COL18A1: variants seen among roughly 807,000 people sequenced by gnomAD.
The protein encoded by COL18A1 is collagen type XVIII alpha 1 chain.
COL18A1 carries 133 observed loss-of-function variants against 168.0 expected under a neutral mutation model. The ratio of observed to expected loss-of-function variants is 0.79; its 90% CI spans 0.69 to 0.91. The LOEUF is 0.91. Ranked by LOEUF, COL18A1 falls within the 40% of genes least tolerant of loss-of-function variation. The pLI, the probability that COL18A1 is intolerant of heterozygous loss-of-function variation, is 0.00. For synonymous variants in COL18A1, 949 were observed against 809.0 expected (o/e 1.17, Z -2.94); for missense variants, 2,126 against 1,925.4 (o/e 1.10, Z -1.95).
chr21:45,449,103 T>C (rs921710584), intron 2 of COL18A1, among the ~76,000 whole-genome samples: 2 of 152,140 alleles, frequency 1.3e-5, no homozygotes, highest in Non-Finnish European at 2.9e-5. Flanking sequence ...ATCCTCTTGC[T>C]GCTCCTGCCT....
intron 2 of COL18A1, among the ~76,000 whole-genome samples, chr21:45,406,445 C>T (rs1274728627): frequency 6.6e-6 from 1 of 152,224 alleles, no homozygotes; most frequent in African/African-American, 2.4e-5. Context: ...TAAATAGTAG[C>T]ATAGACCTTT....
intron 2 of COL18A1, chr21:45,422,611 C>T (rs367968714): frequency 4.0e-5 from 16 of 398,644 alleles, no homozygotes; most frequent in Admixed American, 9.4e-5. Flanking sequence ...GTGGGTGGCA[C>T]GGGCTCTCCC....
chr21:45,506,096 T>C, intron 37 of COL18A1, 130 bp downstream of exon 37: 1 of 1,424,370 alleles, frequency 7.0e-7, no homozygotes, highest in Non-Finnish European at 9.7e-7. Context: ...TTCTTAAACT[T>C]TCAAACTTTT....
chr21:45,489,507 C>A lies in COL18A1; in HGVS notation c.1945C>A (p.Leu649Met). 1 of 1,602,916 alleles carries A rather than the reference C, an allele frequency of 6.2e-7. No individual in the cohort carries two copies. Among genetic ancestry groups the A allele is most frequent in the Non-Finnish European group, 8.5e-7 (1 of 1,174,682 alleles). The change falls in exon 19 of 42, where the codon CTG becomes ATG. Residue 649 changes from leucine to methionine, a missense_variant. Transcript: ENST00000651438. ...GLKGDPGVPG[L>M]PGAKGEVGAD... Reference sequence around the variant, plus strand: ...TTAGGGGGATCCTGGCGTGCCTGGGCTGCCGGGGGCGAAGGTAAGCGCTGT... The same window carrying A: ...TTAGGGGGATCCTGGCGTGCCTGGGATGCCGGGGGCGAAGGTAAGCGCTGT...
In COL18A1 at chr21:45,498,216, C is replaced by G; in HGVS notation, c.2683+555C>G. On this transcript the variant is annotated intron_variant, in intron 32 of 41. Coordinates refer to ENST00000651438, the MANE Select transcript of COL18A1 (RefSeq NM_001379500.1). The surrounding 1 kb of genome is among the most constrained non-coding windows in gnomAD (Gnocchi z 4.5). ...ACAGCTGGATAAAATGTGAGAAAACCACTGTTTGAGGATGTCTGGGGGCTG... is the reference window on the plus strand; with the variant it reads ...ACAGCTGGATAAAATGTGAGAAAACGACTGTTTGAGGATGTCTGGGGGCTG... 1 of 701,918 alleles carries G rather than the reference C, an allele frequency of 1.4e-6. No homozygotes were observed. The highest frequency in any genetic ancestry group is 1.5e-5 in the South Asian group (1 of 67,492). The allele number at this position is 701,918 out of a possible 1,614,324, so 43.5% of individuals were successfully genotyped here. A position where few individuals can be genotyped will look rare whatever the true frequency, so the allele number is the denominator to read the frequency against.
intron 21 of COL18A1, 114 bp downstream of exon 21, chr21:45,490,985 C>G: frequency 9.3e-7 from 1 of 1,073,926 alleles, no homozygotes; most frequent in Non-Finnish European, 1.4e-6. Flanking sequence ...CTCAGAGACT[C>G]AGGGCAAAGA....
intron 2 of COL18A1, among the ~76,000 whole-genome samples, chr21:45,459,935 C>T (rs947056442): frequency 6.6e-6 from 1 of 152,120 alleles, no homozygotes; most frequent in Admixed American, 6.5e-5. Flanking sequence ...GGACTTTGCT[C>T]TCTACACCCC....
intron 2 of COL18A1, among the ~76,000 whole-genome samples, chr21:45,415,095 A>G (rs1485090139): frequency 2.6e-5 from 4 of 152,016 alleles, no homozygotes; most frequent in Non-Finnish European, 4.4e-5. Context: ...GCTTTAAGAC[A>G]CTGACTGACT....
At chr21:45,509,916 GCCCCT>G in intron 39 of COL18A1, 143 bp from the exon 40 acceptor site, 1 of 914,476 alleles carries the variant, frequency 1.1e-6, no homozygotes, top group Non-Finnish European at 1.6e-6. Flanking sequence ...TGCTGCCTGG[GCCCCT>G]CAGTGTGTCA....
In COL18A1 at chr21:45,486,955, C is replaced by T. The variant is rs1007986287; in HGVS notation, c.1796C>T (p.Pro599Leu). Residue 599 changes from proline (P) to leucine (L), a missense_variant, in exon 16 of 42, where the codon CCC (proline) becomes CTC (leucine). Pro to Leu is a moderately conservative substitution (Grantham distance 98). Transcript: ENST00000651438. ...GPAGPPGPPG[P>L]PGPPGPGLPA... is the part of the protein sequence containing the mutation. ...GCTGGACCACCAGGCCCCCCTGGGC[C>T]CCCTGGGCCCCCAGGACCAGGACTC... 3 of 1,499,462 alleles carry T rather than the reference C, an allele frequency of 2.0e-6. No individual in the cohort carries two copies. Among genetic ancestry groups the T allele is most frequent in the Non-Finnish European group, 2.7e-6 (3 of 1,127,282 alleles). 92.9% of individuals were successfully genotyped at this position (1,499,462 alleles called of 1,614,324 possible). A position where few individuals can be genotyped will look rare whatever the true frequency, so the allele number is the denominator to read the frequency against.
intron 2 of COL18A1, among the ~76,000 whole-genome samples, chr21:45,434,269 G>A (rs2034041073): frequency 6.6e-6 from 1 of 152,180 alleles, no homozygotes; most frequent in Non-Finnish European, 1.5e-5. Flanking sequence ...CTGACCAGAG[G>A]GTGCAGGGCC....
intron 41 of COL18A1, among the ~76,000 whole-genome samples, chr21:45,511,477 G>A (rs1254134505): frequency 1.3e-5 from 2 of 152,262 alleles, no homozygotes; most frequent in South Asian, 2.1e-4. Flanking sequence ...TCTGCTCATG[G>A]CGGATAGACT....
In COL18A1 at chr21:45,422,561, G is replaced by A. The variant is rs75558821; in HGVS notation, c.106+17088G>A. The A allele has an allele frequency of 1.9e-3, 951 of 507,362 alleles. 5 individuals are homozygous for A. The highest frequency in any genetic ancestry group is 0.017 in the African/African-American group (859 of 51,674). 31.4% of individuals were successfully genotyped at this position (507,362 alleles called of 1,614,324 possible). A position where few individuals can be genotyped will look rare whatever the true frequency, so the allele number is the denominator to read the frequency against. ...CAGGACCCGGGCAGGGCAGCAAAAGGCATCTGTGAGTCGCCGTCCTGTGCG... is the reference window on the plus strand; with the variant it reads ...CAGGACCCGGGCAGGGCAGCAAAAGACATCTGTGAGTCGCCGTCCTGTGCG... On this transcript the variant is annotated intron_variant, in intron 2 of 41. Transcript: ENST00000651438.
intron 2 of COL18A1, among the ~76,000 whole-genome samples, chr21:45,449,476 T>G (rs2041142956): frequency 6.6e-6 from 1 of 151,976 alleles, no homozygotes; most frequent in Admixed American, 6.5e-5. Context: ...AGTCCAGGAA[T>G]GTACATCCAG....
intron 26 of COL18A1, chr21:45,493,787 C>T: frequency 1.7e-6 from 1 of 586,022 alleles, no homozygotes; most frequent in Non-Finnish European, 3.0e-6. Context: ...GCCCCTCGTC[C>T]TCTCCCTACC....
rs1798811424 is a variant in COL18A1, at chr21:45,512,442, AG to A, written c.*46del. On this transcript the variant is annotated 3_prime_UTR_variant, in exon 42 of 42. Coordinates refer to ENST00000651438, the MANE Select transcript of COL18A1 (RefSeq NM_001379500.1). ...TGGCCGGAGAGGACCGGCGGCTCGGAGGAAGCCCCCACCGTGGGCAGGGAGC... is the reference window on the plus strand; with the variant it reads ...TGGCCGGAGAGGACCGGCGGCTCGGAGAAGCCCCCACCGTGGGCAGGGAGC... 1.9e-6 allele frequency: 3 copies of A among 1,582,820 alleles called. No homozygotes were observed. Among genetic ancestry groups the A allele is most frequent in the Non-Finnish European group, 2.6e-6 (3 of 1,164,460 alleles).
At position 45,509,415 on chromosome 21, in the gene COL18A1, C is replaced by T. The variant is rs1242867036; in HGVS notation, c.3309C>T (p.Tyr1103=). The change falls in exon 39 of 42, where the codon TAC becomes TAT. Residue 1103 remains tyrosine (Y), a synonymous_variant. Transcript: ENST00000651438. Reference sequence around the variant, plus strand: ...TGCAGCTGCACGACAGCAACCCCTACCCGCGGCGGGAGCACCCCCACCCCA... The same window carrying T: ...TGCAGCTGCACGACAGCAACCCCTATCCGCGGCGGGAGCACCCCCACCCCA... ...PVVQLHDSNP[Y]PRREHPHPTA... 5 of 1,540,388 alleles carry T rather than the reference C, an allele frequency of 3.2e-6. No homozygotes were observed. Among genetic ancestry groups the T allele is most frequent in the Non-Finnish European group, 2.6e-6 (3 of 1,144,084 alleles).
intron 4 of COL18A1, 50 bp downstream of exon 4, chr21:45,474,031 G>A (rs374573232): frequency 5.6e-6 from 8 of 1,436,208 alleles, no homozygotes; most frequent in Middle Eastern, 1.7e-4. Flanking sequence ...TCCCTGGCAC[G>A]CGGAGTTCAG....
intron 2 of COL18A1, among the ~76,000 whole-genome samples, chr21:45,449,662 G>C (rs566171837): frequency 6.6e-6 from 1 of 152,158 alleles, no homozygotes; most frequent in Non-Finnish European, 1.5e-5. Context: ...CTCTGCTACC[G>C]TAGGTCTTCA....
Sources: allele counts gnomAD v4.1 joint callset (sites outside exome capture counted in the v4.1 genomes callset), GRCh38; gene constraint gnomAD v4.1.1; non-coding constraint Gnocchi (gnomAD v3.1); transcripts MANE v1.5; gene names NCBI Gene and HGNC (gene_info 2026-07-23, HGNC 2026-07-21).